Variants in PRDM6 observed in about 807,000 individuals in gnomAD.
PRDM6 encodes PR/SET domain 6, also known as putative histone-lysine N-methyltransferase PRDM6.
Under a neutral mutation model 60.8 loss-of-function variants are expected in PRDM6, and 25 were observed. That is an observed-to-expected ratio of 0.41 (90% CI 0.30 to 0.57). The LOEUF is 0.57. Among genes scored for constraint, PRDM6 ranks in the 20% least tolerant of loss-of-function variants. PRDM6 has a pLI of 0.27. For synonymous variants in PRDM6, 407 were observed against 357.4 expected, an observed-to-expected ratio of 1.14 and a Z score of -1.57; for missense variants, 839 against 821.3, an observed-to-expected ratio of 1.02 and a Z score of -0.26.
At chr5:123,139,876 G>A (rs1054956285) in intron 3 of PRDM6, among the ~76,000 whole-genome samples, 4 of 152,070 alleles carry the variant, frequency 2.6e-5, no homozygotes, top group African/African-American at 4.8e-5. Flanking sequence ...CGACCTGGAA[G>A]GAGGAAGGAT....
intron 6 of PRDM6, among the ~76,000 whole-genome samples, chr5:123,172,193 A>G (rs1765906346): frequency 6.6e-6 from 1 of 152,060 alleles, no homozygotes. Context: ...TAGAAAACCC[A>G]AGCAGAGGCA....
At chr5:123,141,177 A>G (rs1765090329) in intron 3 of PRDM6, among the ~76,000 whole-genome samples, 3 of 152,076 alleles carry the variant, frequency 2.0e-5, no homozygotes, top group Admixed American at 1.3e-4. Context: ...TTTTGAGGAT[A>G]TGGGAGTAAT....
chr5:123,122,931 T>C (rs1054410367), intron 3 of PRDM6, among the ~76,000 whole-genome samples: 1 of 152,188 alleles, frequency 6.6e-6, no homozygotes, highest in African/African-American at 2.4e-5. Flanking sequence ...TATGGCCTAA[T>C]TTTGGATATT....
At chr5:123,109,845 A>T (rs1182732387) in intron 3 of PRDM6, among the ~76,000 whole-genome samples, 1 of 152,248 alleles carries the variant, frequency 6.6e-6, no homozygotes, top group Non-Finnish European at 1.5e-5. Flanking sequence ...CAGAAAAATC[A>T]TAAGGAAGCC....
At chr5:123,180,385 G>A in intron 7 of PRDM6, 62 bp downstream of exon 7, 3 of 1,482,182 alleles carry the variant, frequency 2.0e-6, no homozygotes, top group Non-Finnish European at 2.7e-6. Context: ...GCCAGCTGAT[G>A]CATCAGCACA....
At chr5:123,111,702 C>CA (rs368414330) in intron 3 of PRDM6, among the ~76,000 whole-genome samples, 268 of 44,180 alleles carry the variant, frequency 6.1e-3, no homozygotes, top group Non-Finnish European at 0.011. Context: ...CAAAACAAAA[C>CA]AAAACAAAAA....
intron 5 of PRDM6, among the ~76,000 whole-genome samples, chr5:123,163,563 C>T (rs1021562897): frequency 1.3e-5 from 2 of 152,064 alleles, no homozygotes; most frequent in African/African-American, 4.8e-5. Context: ...TTTAAAAAGT[C>T]GTATTATAAA....
intron 2 of PRDM6, among the ~76,000 whole-genome samples, chr5:123,095,290 G>T (rs1021856038): frequency 6.6e-5 from 10 of 152,236 alleles, no homozygotes; most frequent in African/African-American, 2.2e-4. Flanking sequence ...GGCAGGAGCG[G>T]GGTGGGACCT....
rs1766359706 is a variant in PRDM6 at position 123,189,389 on chromosome 5, A to T, written c.*2188A>T. 6.6e-6 allele frequency: 1 copy of T among 152,046 alleles called. No homozygotes were observed. Among genetic ancestry groups the T allele is most frequent in the South Asian group, 2.1e-4 (1 of 4,820 alleles). The allele number at this position is 152,046 out of a possible 1,614,324, so 9.4% of individuals were successfully genotyped here. A position where few individuals can be genotyped will look rare whatever the true frequency, so the allele number is the denominator to read the frequency against. On this transcript the variant is annotated 3_prime_UTR_variant, in exon 8 of 8. Coordinates refer to ENST00000407847, the MANE Select transcript of PRDM6 (RefSeq NM_001136239.4). ...AAAAATCAGCTCAGCCATTTGCCACATTTCACAGTGGAACACCATGTACTA... is the reference window on the plus strand; with the variant it reads ...AAAAATCAGCTCAGCCATTTGCCACTTTTCACAGTGGAACACCATGTACTA...
At chr5:123,143,368 C>G (rs1210121854) in intron 3 of PRDM6, among the ~76,000 whole-genome samples, 1 of 152,136 alleles carries the variant, frequency 6.6e-6, no homozygotes, top group Non-Finnish European at 1.5e-5. Flanking sequence ...CCCACAGATG[C>G]TTCCTGTGGA....
At chr5:123,146,233 T>A (rs1301262150) in intron 3 of PRDM6, among the ~76,000 whole-genome samples, 2 of 152,228 alleles carry the variant, frequency 1.3e-5, no homozygotes, top group Non-Finnish European at 2.9e-5. Flanking sequence ...CAAGGTCTAT[T>A]TGGTATTGTA....
At chr5:123,100,342 G>A (rs922903168) in intron 3 of PRDM6, among the ~76,000 whole-genome samples, 33 of 152,208 alleles carry the variant, frequency 2.2e-4, no homozygotes, top group African/African-American at 7.0e-4. Flanking sequence ...GCATTAGAAT[G>A]TTTGAGCTGG....
intron 3 of PRDM6, among the ~76,000 whole-genome samples, chr5:123,121,859 T>C (rs1210165081): frequency 1.3e-5 from 2 of 151,240 alleles, no homozygotes; most frequent in Admixed American, 6.6e-5. Flanking sequence ...TTTAGTTTTT[T>C]TTTTTTTTTT....
chr5:123,098,125 C>T (rs1363003831), intron 2 of PRDM6, among the ~76,000 whole-genome samples: 2 of 152,236 alleles, frequency 1.3e-5, no homozygotes, highest in Admixed American at 6.5e-5. Flanking sequence ...GTTTCTTGGG[C>T]ATTTCGGTCA....
At chr5:123,100,002 G>A in intron 3 of PRDM6, 41 bp downstream of exon 3, 2 of 1,456,260 alleles carry the variant, frequency 1.4e-6, no homozygotes, top group South Asian at 1.5e-5. Context: ...CCGAGCAGGA[G>A]CCTTGGCCAG....
chr5:123,127,668 A>G (rs1339929413), intron 3 of PRDM6, among the ~76,000 whole-genome samples: 1 of 152,078 alleles, frequency 6.6e-6, no homozygotes, highest in African/African-American at 2.4e-5. Context: ...TGCTATTCTA[A>G]GGGATTTCTT....
At chr5:123,174,824 A>T (rs1765968190) in intron 6 of PRDM6, among the ~76,000 whole-genome samples, 2 of 152,232 alleles carry the variant, frequency 1.3e-5, no homozygotes, top group Non-Finnish European at 2.9e-5. Flanking sequence ...AGCACTAAAG[A>T]CAAAAAACAC....
At chr5:123,093,612 G>A (rs1294754810) in intron 2 of PRDM6, among the ~76,000 whole-genome samples, 1 of 152,154 alleles carries the variant, frequency 6.6e-6, no homozygotes, top group African/African-American at 2.4e-5. Context: ...ATCAAGTGGT[G>A]CCTCCTGCGA....
intron 5 of PRDM6, among the ~76,000 whole-genome samples, chr5:123,161,585 C>A (rs568513033): frequency 9.8e-5 from 15 of 152,312 alleles, no homozygotes; most frequent in Non-Finnish European, 2.2e-4. Flanking sequence ...GCATTCCTGG[C>A]AGCCAGACAG....
Sources: allele counts gnomAD v4.1 joint callset (sites outside exome capture counted in the v4.1 genomes callset), GRCh38; gene constraint gnomAD v4.1.1; transcripts MANE v1.5; gene names NCBI Gene and HGNC (gene_info 2026-07-23, HGNC 2026-07-21).